Variants in NEURL1 observed in about 807,000 individuals in gnomAD.
NEURL1 encodes neuralized E3 ubiquitin protein ligase 1.
In NEURL1, 26 loss-of-function variants were observed where a neutral mutation model predicts 41.2. That is an observed-to-expected ratio of 0.63 (90% CI 0.46 to 0.87). NEURL1 has a LOEUF of 0.87. Among genes scored for constraint, NEURL1 ranks in the 40% least tolerant of loss-of-function variants. NEURL1 has a pLI of 0.00. For missense variants in NEURL1, 761 were observed against 871.1 expected (o/e 0.87, Z 1.59); for synonymous variants, 400 against 402.3 (o/e 0.99, Z 0.07).
At chr10:103,512,344 A>C (rs1377139104) in intron 1 of NEURL1, among the ~76,000 whole-genome samples, 29 of 152,220 alleles carry the variant, frequency 1.9e-4, no homozygotes, top group Admixed American at 1.9e-3. Context: ...ATGTGTAGCC[A>C]TGAGGCAAGG....
chr10:103,507,307 C>T (rs2033970037), intron 1 of NEURL1, among the ~76,000 whole-genome samples: 1 of 152,142 alleles, frequency 6.6e-6, no homozygotes, highest in Non-Finnish European at 1.5e-5. Flanking sequence ...ACTGAAGAGC[C>T]TTAAACAGAA....
intron 2 of NEURL1, 137 bp downstream of exon 2, chr10:103,571,250 T>A: frequency 1.0e-6 from 1 of 959,608 alleles, no homozygotes; most frequent in Admixed American, 2.2e-5. Flanking sequence ...GCCTTTCCTC[T>A]CTGGTGACCC....
intron 1 of NEURL1, among the ~76,000 whole-genome samples, chr10:103,507,479 T>A (rs936566380): frequency 3.9e-5 from 6 of 152,100 alleles, no homozygotes; most frequent in Admixed American, 3.9e-4. Flanking sequence ...GGGAGATACT[T>A]TAGAAGGTCA....
intron 4 of NEURL1, 69 bp from the exon 5 acceptor site, chr10:103,589,445 G>A (rs2035991090): frequency 6.6e-7 from 1 of 1,512,432 alleles, no homozygotes; most frequent in South Asian, 1.3e-5. Flanking sequence ...CCACTGTGAG[G>A]GACAGAGCTT....
At chr10:103,535,733 T>C (rs753833051) in intron 1 of NEURL1, among the ~76,000 whole-genome samples, 1 of 152,072 alleles carries the variant, frequency 6.6e-6, no homozygotes, top group Non-Finnish European at 1.5e-5. Flanking sequence ...GAGGGGTAGA[T>C]GGAGTGGCTC....
intron 3 of NEURL1, 128 bp from the exon 4 acceptor site, chr10:103,584,408 C>T: frequency 4.0e-6 from 2 of 500,762 alleles, no homozygotes; most frequent in South Asian, 5.5e-5. Context: ...TAATTTATGT[C>T]ACAAGCATCG....
At chr10:103,579,121 G>A (rs1343577683) in intron 3 of NEURL1, among the ~76,000 whole-genome samples, 1 of 152,254 alleles carries the variant, frequency 6.6e-6, no homozygotes, top group Admixed American at 6.5e-5. Flanking sequence ...TGCACTGCTG[G>A]CAGCGTATGG....
At chr10:103,547,050 CCACATTGTTCTGAG>C (rs2034937547) in intron 1 of NEURL1, among the ~76,000 whole-genome samples, 1 of 152,234 alleles carries the variant, frequency 6.6e-6, no homozygotes, top group Non-Finnish European at 1.5e-5. Flanking sequence ...CCCATGCACC[CCACATTGTTCTGAG>C]CACACGACAT....
chr10:103,496,704 A>G (rs769646893), intron 1 of NEURL1, among the ~76,000 whole-genome samples: 58 of 152,344 alleles, frequency 3.8e-4, no homozygotes, highest in Non-Finnish European at 4.7e-4. Context: ...AAGTGAGAAT[A>G]ATGAGGGAAA....
At chr10:103,510,692 CT>C (rs1462783570) in intron 1 of NEURL1, among the ~76,000 whole-genome samples, 22 of 152,342 alleles carry the variant, frequency 1.4e-4, no homozygotes, top group Middle Eastern at 3.4e-3. Flanking sequence ...GGGCTGACCC[CT>C]GCCTGAGAAA....
chr10:103,549,305 G>A (rs1048488124), intron 1 of NEURL1, among the ~76,000 whole-genome samples: 5 of 152,150 alleles, frequency 3.3e-5, no homozygotes, highest in Non-Finnish European at 5.9e-5. Context: ...CCTCCTGGGC[G>A]GCTGGCAGCT....
chr10:103,545,657 A>C lies in NEURL1; in HGVS notation c.86-25215A>C, dbSNP rs2034909824. On this transcript the variant is annotated intron_variant, in intron 1 of 5. Transcript: ENST00000369780. The surrounding 1 kb of genome is among the most constrained non-coding windows in gnomAD (Gnocchi z 4.5). ...ATAGTGCAGTGGCTGGACTCAAGTC[A>C]TCTCTCACCTTTGCTGTATGAGAAC... 1.3e-5 allele frequency among the ~76,000 whole-genome samples: 2 copies of C among 152,204 alleles called. No individual in the cohort carries two copies.
chr10:103,528,526 C>T (rs866768646), intron 1 of NEURL1, among the ~76,000 whole-genome samples: 1 of 146,102 alleles, frequency 6.8e-6, no homozygotes, highest in African/African-American at 2.6e-5. Flanking sequence ...TAGAGCGTGA[C>T]TCCGTCTCAA....
intron 5 of NEURL1, 93 bp downstream of exon 5, chr10:103,589,753 T>C: frequency 6.7e-7 from 1 of 1,495,482 alleles, no homozygotes; most frequent in Non-Finnish European, 9.0e-7. Flanking sequence ...GGAGAGGAGC[T>C]GGAGTTGGGC....
chr10:103,586,229 A>G (rs1159788343), intron 4 of NEURL1, among the ~76,000 whole-genome samples: 1 of 151,926 alleles, frequency 6.6e-6, no homozygotes, highest in Non-Finnish European at 1.5e-5. Context: ...GTTTTTCCAT[A>G]CTAATTTGAC....
intron 1 of NEURL1, among the ~76,000 whole-genome samples, chr10:103,553,062 G>C (rs1413438128): frequency 6.6e-6 from 1 of 152,210 alleles, no homozygotes; most frequent in Non-Finnish European, 1.5e-5. Context: ...CATGTGCGAG[G>C]GATTGGTGGG....
At chr10:103,535,907 T>C (rs1486377896) in intron 1 of NEURL1, among the ~76,000 whole-genome samples, 1 of 152,174 alleles carries the variant, frequency 6.6e-6, no homozygotes, top group Non-Finnish European at 1.5e-5. Context: ...GTTGTTCCAA[T>C]TCCAAGATGG....
At chr10:103,501,788 A>C (rs1190347192) in intron 1 of NEURL1, among the ~76,000 whole-genome samples, 1 of 151,228 alleles carries the variant, frequency 6.6e-6, no homozygotes, top group African/African-American at 2.4e-5. Flanking sequence ...GCCTGCCACC[A>C]AAGTCCAGCT....
At chr10:103,557,190 G>A (rs2035175254) in intron 1 of NEURL1, among the ~76,000 whole-genome samples, 1 of 152,182 alleles carries the variant, frequency 6.6e-6, no homozygotes, top group Admixed American at 6.5e-5. Context: ...ACACCTTGGA[G>A]GCTGAGGTGG....
Sources: allele counts gnomAD v4.1 joint callset (sites outside exome capture counted in the v4.1 genomes callset), GRCh38; gene constraint gnomAD v4.1.1; non-coding constraint Gnocchi (gnomAD v3.1); transcripts MANE v1.5; gene names NCBI Gene and HGNC (gene_info 2026-07-23, HGNC 2026-07-21).